Variants in VPS26C observed in about 807,000 individuals in gnomAD.
The protein encoded by VPS26C is VPS26 endosomal protein sorting factor C.
A neutral mutation model predicts 30.6 loss-of-function variants in VPS26C; 19 were observed. The ratio of observed to expected loss-of-function variants is 0.62; its 90% CI spans 0.43 to 0.91. The LOEUF (loss-of-function observed/expected upper bound fraction) is 0.91, where lower values mean the gene tolerates loss of function less well. VPS26C is among the 40% of genes least tolerant of loss of function. The pLI, the probability that VPS26C is intolerant of heterozygous loss-of-function variation, is 0.00. For missense variants in VPS26C, 318 were observed against 385.1 expected (o/e 0.83, Z 1.46); for synonymous variants, 132 against 151.5 (o/e 0.87, Z 0.95).
chr21:37,228,415 G>C (rs771117967), intron 5 of VPS26C, 42 bp from the exon 6 acceptor site: 21 of 1,606,008 alleles, frequency 1.3e-5, no homozygotes, highest in Middle Eastern at 1.7e-4. Flanking sequence ...TGCAGGCAAG[G>C]GGGGAAAGTG....
rs1182755233 is a variant in VPS26C at position 37,238,443 on chromosome 21, G to T, written c.351+17C>A. The stretch of plus-strand genomic sequence containing the variant: ...AAAACTTGTGAAGTCAGTCGCGTAG[G>T]ACTAGGAAGCTCTCACCTGAATGTT... On this transcript the variant is annotated intron_variant, in intron 3 of 7. Coordinates refer to ENST00000309117, the MANE Select transcript of VPS26C (RefSeq NM_006052.2). 7 of 1,612,256 alleles carry T rather than the reference G, an allele frequency of 4.3e-6. No homozygotes were observed. Among genetic ancestry groups the T allele is most frequent in the African/African-American group, 1.3e-5 (1 of 74,848 alleles).
In VPS26C at chr21:37,257,459, AGTTT is replaced by A. The variant is rs2086255432; in HGVS notation, c.57+9775_57+9778del. On this transcript the variant is annotated intron_variant, in intron 1 of 7. Transcript: ENST00000309117. This position sits in a 1 kb window ranked among gnomAD's most constrained non-coding sequence, Gnocchi z 4.2. ...CCACCTAGCCGATGGCTAACAAGTC[AGTTT>A]GTTTTCTGAACGGAAGCTTAAACCT... 6.6e-6 allele frequency among the ~76,000 whole-genome samples: 1 copy of A among 152,200 alleles called. No individual in the cohort carries two copies. The highest frequency in any genetic ancestry group is 2.1e-4 in the South Asian group (1 of 4,836).
intron 5 of VPS26C, chr21:37,231,674 T>G (rs1478681611): frequency 3.3e-5 from 5 of 152,502 alleles, no homozygotes; most frequent in African/African-American, 7.2e-5. Flanking sequence ...AGGACTCCAC[T>G]GTTTAGGAGA....
Position 37,233,288 on chromosome 21 carries a change from G to T in VPS26C, c.432+74C>A. On this transcript the variant is annotated intron_variant, in intron 4 of 7. Transcript: ENST00000309117. This position sits in a 1 kb window ranked among gnomAD's most constrained non-coding sequence, Gnocchi z 5.2. ...CAGTAAGAGGCTAAATGGTGAGCTT[G>T]TAAATAGGGTAAACTCTCAGACCCC... 1 of 1,314,148 alleles carries T rather than the reference G, an allele frequency of 7.6e-7. No individual in the cohort carries two copies. Among genetic ancestry groups the T allele is most frequent in the Non-Finnish European group, 1.1e-6 (1 of 909,374 alleles). 81.4% of individuals were successfully genotyped at this position (1,314,148 alleles called of 1,614,324 possible). A position where few individuals can be genotyped will look rare whatever the true frequency, so the allele number is the denominator to read the frequency against.
chr21:37,266,141 C>T (rs956621301), intron 1 of VPS26C, among the ~76,000 whole-genome samples: 48 of 152,042 alleles, frequency 3.2e-4, no homozygotes, highest in African/African-American at 1.1e-3. Context: ...TGGTCTCGAA[C>T]TCCTGACCTC....
intron 5 of VPS26C, 100 bp from the exon 6 acceptor site, chr21:37,228,473 G>GGGCTGGAGTGCAATGGTGCGATC: frequency 7.6e-7 from 1 of 1,311,056 alleles, no homozygotes. Flanking sequence ...TTGGATAGTG[G>GGGCTGGAGTGCAATGGTGCGATC]TTACACAGTC....
intron 1 of VPS26C, 36 bp downstream of exon 1, chr21:37,267,202 A>AAC: frequency 2.0e-6 from 2 of 998,928 alleles, no homozygotes; most frequent in Admixed American, 1.9e-5. Context: ...GACCCGCCCA[A>AAC]CCCCACCTCC....
chr21:37,266,326 A>C (rs922908092), intron 1 of VPS26C, among the ~76,000 whole-genome samples: 2 of 152,170 alleles, frequency 1.3e-5, no homozygotes, highest in Non-Finnish European at 2.9e-5. Context: ...CATCCATCCA[A>C]GACCTTTGTC....
upstream of VPS26C, chr21:37,267,435 C>A (rs1486277201): frequency 1.4e-6 from 1 of 710,284 alleles, no homozygotes; most frequent in African/African-American, 1.9e-5. Flanking sequence ...CGGCGTCGCA[C>A]ACACTCCCTA....
chr21:37,259,426 T>C (rs2086281696), intron 1 of VPS26C, among the ~76,000 whole-genome samples: 2 of 152,218 alleles, frequency 1.3e-5, no homozygotes, highest in African/African-American at 4.8e-5. Flanking sequence ...CTCTTATTTA[T>C]GTTTTTCACA....
chr21:37,238,266 A>G, intron 3 of VPS26C, 194 bp downstream of exon 3: 1 of 621,872 alleles, frequency 1.6e-6, no homozygotes, highest in Non-Finnish European at 2.6e-6. Context: ...TGAGGCTCCC[A>G]TCAGAAATAA....
At chr21:37,243,726 G>A (rs1028051202) in intron 1 of VPS26C, among the ~76,000 whole-genome samples, 3 of 152,072 alleles carry the variant, frequency 2.0e-5, no homozygotes, top group Non-Finnish European at 2.9e-5. Flanking sequence ...CACCCCATCC[G>A]AGACTACAGC....
intron 1 of VPS26C, among the ~76,000 whole-genome samples, chr21:37,263,874 A>G (rs985374875): frequency 6.6e-6 from 1 of 152,204 alleles, no homozygotes; most frequent in African/African-American, 2.4e-5. Flanking sequence ...TATCAGCTCC[A>G]TTGCAGCCAG....
intron 3 of VPS26C, among the ~76,000 whole-genome samples, chr21:37,236,555 G>A (rs946357391): frequency 1.3e-5 from 2 of 152,142 alleles, no homozygotes; most frequent in East Asian, 1.9e-4. Context: ...TTGGAGATGC[G>A]CAATGAGGTA....
intron 1 of VPS26C, 123 bp downstream of exon 1, chr21:37,267,115 A>T: frequency 1.1e-6 from 1 of 888,336 alleles, no homozygotes. Flanking sequence ...CTTGGCGGAG[A>T]CGCACCTGGC....
intron 1 of VPS26C, among the ~76,000 whole-genome samples, chr21:37,264,547 C>G (rs930049950): frequency 1.3e-5 from 2 of 152,198 alleles, no homozygotes; most frequent in Admixed American, 6.5e-5. Flanking sequence ...AGAGAACATG[C>G]TAACTTGTTA....
intron 5 of VPS26C, among the ~76,000 whole-genome samples, chr21:37,231,295 G>A (rs1262695225): frequency 3.9e-5 from 6 of 152,220 alleles, no homozygotes; most frequent in Admixed American, 2.0e-4. Flanking sequence ...CACTGCGTCC[G>A]TCATGGAAGC....
At chr21:37,242,290 A>C (rs1481817050) in intron 1 of VPS26C, among the ~76,000 whole-genome samples, 1 of 152,244 alleles carries the variant, frequency 6.6e-6, no homozygotes, top group African/African-American at 2.4e-5. Context: ...CCCAAATTCA[A>C]ATGGAAATTT....
Position 37,233,325 on chromosome 21 carries a change from C to T in VPS26C, c.432+37G>A, listed in dbSNP as rs1014114777. 52 of 1,558,918 alleles carry T rather than the reference C, an allele frequency of 3.3e-5. No individual in the cohort carries two copies. Among genetic ancestry groups the T allele is most frequent in the Non-Finnish European group, 4.2e-5 (47 of 1,129,782 alleles). ...AACTCTCAGACCCCATGGGAGATTC[C>T]TATCATTAAGCACCAGAGTCCCCGA... On this transcript the variant is annotated intron_variant, in intron 4 of 7. Coordinates refer to ENST00000309117, the MANE Select transcript of VPS26C (RefSeq NM_006052.2). The surrounding 1 kb of genome is among the most constrained non-coding windows in gnomAD (Gnocchi z 5.2).
Sources: gnomAD v4.1 joint callset for allele counts (sites outside exome capture counted in the v4.1 genomes callset) on GRCh38, gnomAD v4.1.1 for gene constraint, Gnocchi (gnomAD v3.1) non-coding constraint, MANE v1.5 for transcripts, NCBI Gene and HGNC (gene_info 2026-07-23, HGNC 2026-07-21) for gene names.